Variants in CHD9 observed in about 807,000 individuals in gnomAD.
CHD9 encodes ATP-dependent chromatin remodeler CHD9.
In CHD9, 77 loss-of-function variants were observed where a neutral mutation model predicts 316.1. That is an observed-to-expected ratio of 0.24 (90% CI 0.20 to 0.29). The LOEUF is 0.29. CHD9 is among the 10% of genes least tolerant of loss of function. CHD9 has a pLI of 1.00. For synonymous variants in CHD9, 1,129 were observed against 1,158.3 expected (o/e 0.97, Z 0.51); for missense variants, 2,763 against 3,438.1 (o/e 0.80, Z 4.91).
rs2046912352 is a variant in CHD9, at chr16:53,217,944, CTTTCTTTCTTTCTTTT to C, written c.1785-4696_1785-4681del. Among the ~76,000 whole-genome samples the C allele has an allele frequency of 5.2e-5, 4 of 76,358 alleles. No individual in the cohort carries two copies. In the South Asian group the frequency reaches 2.0e-3, roughly 38 times the overall value. 50.1% of individuals were successfully genotyped at this position (76,358 alleles called of 152,430 possible). ...TCTTTCTTTCTTTCTTTCTTTCTTT[CTTTCTTTCTTTCTTTT>C]TTTTTTTAATTCAGAATTACTGGGG... is the stretch of plus-strand genomic sequence containing the variant. On this transcript the variant is annotated intron_variant, in intron 3 of 38. Transcript: ENST00000447540.
chr16:53,198,711 C>T (rs2045171012), intron 2 of CHD9, among the ~76,000 whole-genome samples: 1 of 152,174 alleles, frequency 6.6e-6, no homozygotes, highest in African/African-American at 2.4e-5. Context: ...GACTGTCATG[C>T]AGTTCCTCTT....
intron 2 of CHD9, among the ~76,000 whole-genome samples, chr16:53,164,060 G>A (rs1000196791): frequency 1.3e-5 from 2 of 152,084 alleles, no homozygotes; most frequent in Non-Finnish European, 2.9e-5. Flanking sequence ...ATTATTTCTG[G>A]TCTTAACAAC....
chr16:53,081,876 C>A (rs199696857), intron 1 of CHD9, among the ~76,000 whole-genome samples: 2 of 106,700 alleles, frequency 1.9e-5, no homozygotes, highest in African/African-American at 6.5e-5. Flanking sequence ...AATGAATAAA[C>A]CAATAACCTT....
intron 1 of CHD9, among the ~76,000 whole-genome samples, chr16:53,153,430 G>C (rs2041272805): frequency 6.6e-6 from 1 of 152,182 alleles, no homozygotes; most frequent in Non-Finnish European, 1.5e-5. Context: ...GCAGAGGAAG[G>C]AGAGTTTTAA....
chr16:53,116,413 C>T (rs983493840), intron 1 of CHD9, among the ~76,000 whole-genome samples: 7 of 152,178 alleles, frequency 4.6e-5, no homozygotes, highest in Non-Finnish European at 7.3e-5. Flanking sequence ...CCAAATAGTA[C>T]ACACTCTGCA....
Position 53,304,040 on chromosome 16 carries a change from T to C in CHD9, c.6034T>C (p.Ser2012Pro). 6.2e-7 allele frequency: 1 copy of C among 1,614,036 alleles called. No individual in the cohort carries two copies. Among genetic ancestry groups the C allele is most frequent in the Non-Finnish European group, 8.5e-7 (1 of 1,179,888 alleles). The change falls in exon 31 of 39, where the codon TCT (serine) becomes CCT (proline). Residue 2012 changes from serine to proline, a missense_variant. Coordinates refer to ENST00000447540, the MANE Select transcript of CHD9 (RefSeq NM_001308319.2). ...SQSKMAHSRT[S>P]TPLLQQYQVA... Reference sequence around the variant, plus strand: ...AAGTAAGATGGCTCATTCAAGGACTTCTACCCCACTTCTACAGCAATATCA... The same window carrying C: ...AAGTAAGATGGCTCATTCAAGGACTCCTACCCCACTTCTACAGCAATATCA...
chr16:53,139,448 C>A (rs997191990), intron 1 of CHD9, among the ~76,000 whole-genome samples: 2 of 151,810 alleles, frequency 1.3e-5, no homozygotes, highest in African/African-American at 4.8e-5. Context: ...CAAGGACTGG[C>A]AATAAAATTA....
intron 2 of CHD9, among the ~76,000 whole-genome samples, chr16:53,199,396 CAT>C (rs771369917): frequency 2.4e-4 from 36 of 152,132 alleles, no homozygotes; most frequent in African/African-American, 5.1e-4. Context: ...TATAGACAAA[CAT>C]GTATATATAT....
chr16:53,140,957 C>T (rs2040066167), intron 1 of CHD9, among the ~76,000 whole-genome samples: 2 of 152,156 alleles, frequency 1.3e-5, no homozygotes, highest in Non-Finnish European at 2.9e-5. Context: ...TGGCTATCTG[C>T]AGAGGGAGAT....
intron 21 of CHD9, 48 bp from the exon 22 acceptor site, chr16:53,267,879 C>A (rs776043431): frequency 6.6e-7 from 1 of 1,508,230 alleles, no homozygotes; most frequent in South Asian, 1.2e-5. Flanking sequence ...TAATATTTTT[C>A]TCTAGAACTT....
intron 1 of CHD9, among the ~76,000 whole-genome samples, chr16:53,079,258 A>G (rs2152531279): frequency 6.6e-6 from 1 of 152,184 alleles, no homozygotes; most frequent in South Asian, 2.1e-4. Flanking sequence ...TTCTATTAAA[A>G]CTGCAAAATG....
At chr16:53,094,358 C>G (rs966898309) in intron 1 of CHD9, among the ~76,000 whole-genome samples, 1 of 152,148 alleles carries the variant, frequency 6.6e-6, no homozygotes, top group Admixed American at 6.5e-5. Flanking sequence ...CTGGCAAAGA[C>G]CCAGGGAGAG....
intron 24 of CHD9, among the ~76,000 whole-genome samples, chr16:53,284,833 T>C (rs1476588475): frequency 1.3e-5 from 2 of 152,176 alleles, no homozygotes; most frequent in Non-Finnish European, 1.5e-5. Flanking sequence ...CAACACGATC[T>C]TGGTTTGCTG....
intron 18 of CHD9, among the ~76,000 whole-genome samples, chr16:53,254,981 C>T (rs894417358): frequency 4.0e-5 from 6 of 151,114 alleles, no homozygotes; most frequent in African/African-American, 9.7e-5. Context: ...GCTTTTTTTT[C>T]GCTCAAGGTT....
intron 11 of CHD9, 34 bp downstream of exon 11, chr16:53,235,340 T>A: frequency 6.9e-7 from 1 of 1,445,920 alleles, no homozygotes. Flanking sequence ...AAAATTTATT[T>A]TTTTAATGTG....
Position 53,055,002 on chromosome 16 carries a change from G to GCAGCGA in CHD9, c.-223_-218dup, listed in dbSNP as rs914376494. The GCAGCGA allele has an allele frequency of 7.9e-5, 12 of 152,352 alleles. No individual in the cohort carries two copies. Among genetic ancestry groups the GCAGCGA allele is most frequent in the Admixed American group, 2.6e-4 (4 of 15,308 alleles). The allele number at this position is 152,352 out of a possible 1,614,324, so 9.4% of individuals were successfully genotyped here. A position where few individuals can be genotyped will look rare whatever the true frequency, so the allele number is the denominator to read the frequency against. ...GCGCTCTAGTGGGCGCTTCACAGGC[G>GCAGCGA]CAGCGACAGCGACAGCGACAGCTCG... On this transcript the variant is annotated 5_prime_UTR_variant, in exon 1 of 39. Coordinates refer to ENST00000447540, the MANE Select transcript of CHD9 (RefSeq NM_001308319.2).
intron 2 of CHD9, chr16:53,208,740 A>G (rs748985436): frequency 2.5e-4 from 242 of 982,488 alleles, no homozygotes; most frequent in Non-Finnish European, 2.7e-4. Flanking sequence ...TGATCTAAGT[A>G]TATGTGGATG....
intron 2 of CHD9, among the ~76,000 whole-genome samples, chr16:53,177,086 G>A (rs1451800148): frequency 6.6e-6 from 1 of 152,174 alleles, no homozygotes; most frequent in African/African-American, 2.4e-5. Flanking sequence ...CTCCCAGGTA[G>A]CTGGGATTAC....
chr16:53,319,873 C>G, intron 37 of CHD9: 1 of 1,201,024 alleles, frequency 8.3e-7, no homozygotes, highest in Non-Finnish European at 1.1e-6. Flanking sequence ...CATAAACCCC[C>G]AAGAGGGCCT....
Sources: allele counts gnomAD v4.1 joint callset (sites outside exome capture counted in the v4.1 genomes callset), GRCh38; gene constraint gnomAD v4.1.1; transcripts MANE v1.5; gene names NCBI Gene and HGNC (gene_info 2026-07-23, HGNC 2026-07-21).